GRM5: variants seen among roughly 807,000 people sequenced by gnomAD.
GRM5 encodes metabotropic glutamate receptor 5.
Under a neutral mutation model 83.1 loss-of-function variants are expected in GRM5, and 19 were observed. The ratio of observed to expected loss-of-function variants is 0.23; its 90% CI spans 0.16 to 0.34. The LOEUF is 0.34. Among genes scored for constraint, GRM5 ranks in the 10% least tolerant of loss-of-function variants. The probability of loss-of-function intolerance (pLI) is 1.00; values close to 1 mark genes in which losing one functional copy is unlikely to be tolerated. For missense variants in GRM5, 1,160 were observed against 1,588.3 expected (o/e 0.73, Z 4.58); for synonymous variants, 675 against 633.6 (o/e 1.07, Z -0.98).
intron 8 of GRM5, among the ~76,000 whole-genome samples, chr11:88,540,284 G>T (rs954975037): frequency 1.1e-4 from 17 of 151,982 alleles, no homozygotes; most frequent in Non-Finnish European, 2.2e-4. Flanking sequence ...ACTTGTCTTT[G>T]TTTTCCTCAT....
chr11:88,609,661 T>C (rs570985268), intron 4 of GRM5, among the ~76,000 whole-genome samples: 159 of 152,320 alleles, frequency 1.0e-3, no homozygotes, highest in African/African-American at 3.7e-3. Flanking sequence ...AGTTTAGAAA[T>C]ATTTTCCCCA....
chr11:88,991,306 G>C (rs1253089156), intron 2 of GRM5, among the ~76,000 whole-genome samples: 1 of 151,926 alleles, frequency 6.6e-6, no homozygotes, highest in Non-Finnish European at 1.5e-5. Context: ...AACTTACAAG[G>C]GATGTGAAGG....
chr11:88,702,003 A>G (rs1353266447), intron 3 of GRM5, among the ~76,000 whole-genome samples: 5 of 152,038 alleles, frequency 3.3e-5, no homozygotes, highest in Non-Finnish European at 7.4e-5. Context: ...TGTTGTGTCT[A>G]AAGTCCAAAA....
chr11:88,661,948 A>C (rs6483347), intron 3 of GRM5, among the ~76,000 whole-genome samples: 103,549 of 152,016 alleles, frequency 0.68, 41,197 homozygotes, highest in Non-Finnish European at 0.9. Flanking sequence ...TAATGTTATC[A>C]ACTGAAAATC....
At chr11:88,789,575 C>T (rs3913310) in intron 3 of GRM5, among the ~76,000 whole-genome samples, 31,931 of 151,802 alleles carry the variant, frequency 0.21, 4,269 homozygotes, top group Non-Finnish European at 0.3. Context: ...TCCTAAAATC[C>T]TTTTATGAAC....
Position 88,641,015 on chromosome 11 carries a change from G to T in GRM5, c.1147+12153C>A, listed in dbSNP as rs557796265. The stretch of plus-strand genomic sequence containing the variant: ...TTGCTATAAAGAAATACTTGAGACT[G>T]GGAACTTAATAAGAAAAGAAGTTTA... On this transcript the variant is annotated intron_variant, in intron 4 of 9. Transcript: ENST00000305447. Among the ~76,000 whole-genome samples, 6 of 152,204 alleles carry T rather than the reference G, an allele frequency of 3.9e-5. No homozygotes were observed. The East Asian group carries it at 1.2e-3, about 29-fold the overall frequency.
chr11:88,640,596 C>A (rs1565166681), intron 4 of GRM5, among the ~76,000 whole-genome samples: 2 of 152,164 alleles, frequency 1.3e-5, no homozygotes, highest in East Asian at 3.9e-4. Flanking sequence ...CCTCTTCCCA[C>A]CAGTAATAAG....
rs373966832 is a variant in GRM5, at chr11:88,841,271, G to T, written c.911+8635C>A. Among the ~76,000 whole-genome samples, 55 of 152,208 alleles carry T rather than the reference G, an allele frequency of 3.6e-4. 1 individual carries two copies. The highest frequency in any genetic ancestry group is 1.3e-3 in the African/African-American group (55 of 41,534). On this transcript the variant is annotated intron_variant, in intron 3 of 9. Coordinates refer to ENST00000305447, the MANE Select transcript of GRM5 (RefSeq NM_001143831.3). ...TTTTCTTAATGGTGTCTTGGAACTTGTCTGCTGCTTCTTGGGCAACAGAAG... is the reference window on the plus strand; with the variant it reads ...TTTTCTTAATGGTGTCTTGGAACTTTTCTGCTGCTTCTTGGGCAACAGAAG...
chr11:88,798,661 C>T (rs1943327181), intron 3 of GRM5, among the ~76,000 whole-genome samples: 1 of 151,804 alleles, frequency 6.6e-6, no homozygotes, highest in Admixed American at 6.6e-5. Flanking sequence ...TTTGGAAAGC[C>T]TGTGGTGTTG....
At chr11:89,064,433 T>G (rs1012216354) in intron 1 of GRM5, among the ~76,000 whole-genome samples, 1 of 152,226 alleles carries the variant, frequency 6.6e-6, no homozygotes, top group Non-Finnish European at 1.5e-5. Context: ...TTTTCCTCAC[T>G]CATTTCCACA....
intron 2 of GRM5, among the ~76,000 whole-genome samples, chr11:88,994,446 TA>T (rs1368938037): frequency 0.052 from 146 of 2,812 alleles, no homozygotes; most frequent in East Asian, 0.23. Context: ...TTTAACTGAT[TA>T]TATATATATA....
At chr11:88,608,429 C>T (rs1938219999) in intron 4 of GRM5, among the ~76,000 whole-genome samples, 1 of 151,832 alleles carries the variant, frequency 6.6e-6, no homozygotes, top group South Asian at 2.1e-4. Flanking sequence ...CAACACCTAA[C>T]ATATTTTATA....
chr11:88,640,613 C>G (rs2135285644), intron 4 of GRM5, among the ~76,000 whole-genome samples: 1 of 152,276 alleles, frequency 6.6e-6, no homozygotes, highest in South Asian at 2.1e-4. Context: ...TAAGTCTGGG[C>G]CTCCAGAAAT....
intron 2 of GRM5, among the ~76,000 whole-genome samples, chr11:88,953,645 A>T (rs986160036): frequency 1.4e-4 from 21 of 152,328 alleles, no homozygotes; most frequent in Admixed American, 1.4e-3. Context: ...GCCAGTCGCT[A>T]TCAGAAAAGC....
intron 4 of GRM5, among the ~76,000 whole-genome samples, chr11:88,649,224 G>A (rs1464376256): frequency 1.5e-5 from 2 of 134,364 alleles, no homozygotes; most frequent in African/African-American, 2.8e-5. Context: ...ACACATATAT[G>A]TATATATAGT....
At chr11:88,797,792 G>T (rs748601376) in intron 3 of GRM5, among the ~76,000 whole-genome samples, 20 of 150,210 alleles carry the variant, frequency 1.3e-4, no homozygotes, top group Non-Finnish European at 2.4e-4. Flanking sequence ...ATTATTTACT[G>T]CATCCCTTTA....
At chr11:88,734,370 A>G (rs1941867533) in intron 3 of GRM5, among the ~76,000 whole-genome samples, 1 of 151,984 alleles carries the variant, frequency 6.6e-6, no homozygotes, top group Non-Finnish European at 1.5e-5. Flanking sequence ...CCCCTTGTAC[A>G]CTGTTGGGAG....
chr11:89,054,026 C>A (rs1396741513), intron 1 of GRM5, among the ~76,000 whole-genome samples: 1 of 152,054 alleles, frequency 6.6e-6, no homozygotes, highest in Non-Finnish European at 1.5e-5. Context: ...AAGACTTTGG[C>A]CTTAACATTT....
At chr11:88,950,607 T>G (rs1938427112) in intron 2 of GRM5, among the ~76,000 whole-genome samples, 1 of 152,156 alleles carries the variant, frequency 6.6e-6, no homozygotes, top group African/African-American at 2.4e-5. Flanking sequence ...TGACAATTCA[T>G]TATTAGAATG....
Sources: allele counts gnomAD v4.1 joint callset (sites outside exome capture counted in the v4.1 genomes callset), GRCh38; gene constraint gnomAD v4.1.1; transcripts MANE v1.5; gene names NCBI Gene and HGNC (gene_info 2026-07-23, HGNC 2026-07-21).